The following PAPPA2 variants were observed in gnomAD, a reference collection of about 807,000 sequenced individuals.
PAPPA2 encodes the protein pappalysin 2, also known as pappalysin-2.
A neutral mutation model predicts 176.4 loss-of-function variants in PAPPA2; 86 were observed. The ratio of observed to expected loss-of-function variants is 0.49; its 90% CI spans 0.41 to 0.58. PAPPA2 has a LOEUF of 0.58. PAPPA2 is among the 20% of genes least tolerant of loss of function. PAPPA2 has a pLI of 0.00. For missense variants in PAPPA2, 2,073 were observed against 2,256.9 expected (o/e 0.92, Z 1.65); for synonymous variants, 809 against 852.2 (o/e 0.95, Z 0.88).
Position 176,463,650 on chromosome 1 carries a change from A to G in PAPPA2, c.-917+232A>G, listed in dbSNP as rs1303448131. On this transcript the variant is annotated intron_variant, in intron 1 of 22. Coordinates refer to ENST00000367662, the MANE Select transcript of PAPPA2 (RefSeq NM_020318.3). The stretch of plus-strand genomic sequence containing the variant: ...AATGGCTCAGTTTCTCCAGTCTAAT[A>G]ACTTGTAACAAATTGTCTCATTTTT... Among the ~76,000 whole-genome samples, 3 of 152,126 alleles carry G rather than the reference A, an allele frequency of 2.0e-5. No individual in the cohort carries two copies. The East Asian group carries it at 5.8e-4, about 29-fold the overall frequency.
At position 176,672,837 on chromosome 1, in the gene PAPPA2, C is replaced by T. The variant is rs1469844080; in HGVS notation, c.2137+1722C>T. Among the ~76,000 whole-genome samples, 10 of 152,266 alleles carry T rather than the reference C, an allele frequency of 6.6e-5. 1 individual carries two copies. The South Asian group carries it at 2.1e-3, about 32-fold the overall frequency. ...TTTTAAAGCCCTGCAGTCCTTTTAT[C>T]ACTAAACTGTATTTTTAGTTCTCAG... On this transcript the variant is annotated intron_variant, in intron 4 of 22. Coordinates refer to ENST00000367662, the MANE Select transcript of PAPPA2 (RefSeq NM_020318.3).
At chr1:176,766,997 A>G (rs901363601) in intron 15 of PAPPA2, among the ~76,000 whole-genome samples, 13 of 151,876 alleles carry the variant, frequency 8.6e-5, no homozygotes, top group African/African-American at 2.7e-4. Context: ...ATTTAAAGGT[A>G]TACACTTTGG....
chr1:176,573,339 C>A (rs914980455), intron 2 of PAPPA2, among the ~76,000 whole-genome samples: 1 of 152,122 alleles, frequency 6.6e-6, no homozygotes, highest in Non-Finnish European at 1.5e-5. Flanking sequence ...ACAGGTAGCT[C>A]TCCACTTCTG....
intron 17 of PAPPA2, among the ~76,000 whole-genome samples, chr1:176,788,787 C>A (rs1278764860): frequency 6.6e-6 from 1 of 152,192 alleles, no homozygotes; most frequent in East Asian, 1.9e-4. Context: ...AAGTTATGAA[C>A]TCTTTCCAAG....
chr1:176,651,105 A>G lies in PAPPA2; in HGVS notation c.1992-19865A>G, dbSNP rs76058635. 2.1e-4 allele frequency among the ~76,000 whole-genome samples: 32 copies of G among 151,772 alleles called. No homozygotes were observed. The East Asian group carries it at 5.5e-3, about 26-fold the overall frequency. Reference sequence around the variant, plus strand: ...AAACTCTTATTAGATTGTTATAGCTATTATTAGTTTTGATAGATTTGTCTT... The same window carrying G: ...AAACTCTTATTAGATTGTTATAGCTGTTATTAGTTTTGATAGATTTGTCTT... On this transcript the variant is annotated intron_variant, in intron 3 of 22. Coordinates refer to ENST00000367662, the MANE Select transcript of PAPPA2 (RefSeq NM_020318.3).
At chr1:176,677,740 T>G (rs1228198722) in intron 4 of PAPPA2, among the ~76,000 whole-genome samples, 4 of 152,140 alleles carry the variant, frequency 2.6e-5, no homozygotes, top group African/African-American at 9.7e-5. Flanking sequence ...AAGAAAAACT[T>G]GGATACCATA....
chr1:176,490,854 T>C (rs1164335719), intron 1 of PAPPA2, among the ~76,000 whole-genome samples: 4 of 152,154 alleles, frequency 2.6e-5, no homozygotes, highest in African/African-American at 9.7e-5. Context: ...GATCTCAGGT[T>C]CCCAACGCCC....
intron 3 of PAPPA2, among the ~76,000 whole-genome samples, chr1:176,648,030 C>T (rs1047252551): frequency 2.0e-5 from 3 of 150,820 alleles, no homozygotes; most frequent in African/African-American, 7.3e-5. Context: ...ATTGCTTTGT[C>T]TAGTCATTTT....
chr1:176,759,124 C>A (rs377082616), intron 14 of PAPPA2, among the ~76,000 whole-genome samples: 4 of 152,262 alleles, frequency 2.6e-5, no homozygotes, highest in Middle Eastern at 3.4e-3. Flanking sequence ...CAAAGCTATA[C>A]GCTAGATAAA....
intron 3 of PAPPA2, among the ~76,000 whole-genome samples, chr1:176,622,243 T>G (rs1046545601): frequency 1.3e-5 from 2 of 152,180 alleles, no homozygotes; most frequent in African/African-American, 4.8e-5. Flanking sequence ...AGAAATGATA[T>G]GAGTCCTGAT....
chr1:176,562,750 G>A (rs892704352), intron 2 of PAPPA2, among the ~76,000 whole-genome samples: 5 of 152,174 alleles, frequency 3.3e-5, no homozygotes, highest in Admixed American at 2.0e-4. Context: ...GTGTGAACAG[G>A]GCATAGCCCC....
intron 1 of PAPPA2, among the ~76,000 whole-genome samples, chr1:176,495,855 A>G (rs1647582970): frequency 1.3e-5 from 2 of 151,884 alleles, no homozygotes; most frequent in African/African-American, 2.4e-5. Context: ...GCAGCCTCAA[A>G]CTCCTGGGCT....
At chr1:176,502,413 T>G (rs1648019603) in intron 1 of PAPPA2, among the ~76,000 whole-genome samples, 1 of 152,218 alleles carries the variant, frequency 6.6e-6, no homozygotes, top group African/African-American at 2.4e-5. Flanking sequence ...CTTTCTTCAT[T>G]GGGAATGGCT....
At chr1:176,732,867 C>A (rs1662225964) in intron 12 of PAPPA2, among the ~76,000 whole-genome samples, 1 of 152,170 alleles carries the variant, frequency 6.6e-6, no homozygotes, top group African/African-American at 2.4e-5. Flanking sequence ...AACCCTCAGG[C>A]TATGGAGCAG....
chr1:176,635,922 A>G (rs1656673831), intron 3 of PAPPA2, among the ~76,000 whole-genome samples: 1 of 152,114 alleles, frequency 6.6e-6, no homozygotes, highest in African/African-American at 2.4e-5. Context: ...AGTGCTGCCA[A>G]ATGCCCTGAG....
chr1:176,493,288 C>A (rs1276524451), intron 1 of PAPPA2, among the ~76,000 whole-genome samples: 2 of 152,184 alleles, frequency 1.3e-5, no homozygotes, highest in African/African-American at 4.8e-5. Flanking sequence ...CACTTTCAAC[C>A]CCTGATATTT....
chr1:176,624,954 A>G (rs1476341532), intron 3 of PAPPA2, among the ~76,000 whole-genome samples: 1 of 152,152 alleles, frequency 6.6e-6, no homozygotes, highest in Admixed American at 6.5e-5. Context: ...GCAGCCAAGG[A>G]CACTGTGGCC....
At chr1:176,472,680 C>T (rs529484073) in intron 1 of PAPPA2, among the ~76,000 whole-genome samples, 5 of 152,142 alleles carry the variant, frequency 3.3e-5, no homozygotes, top group East Asian at 1.9e-4. Context: ...AATAAATAAC[C>T]TTATGAGCTC....
chr1:176,675,082 C>G (rs1011311426), intron 4 of PAPPA2, among the ~76,000 whole-genome samples: 1 of 151,912 alleles, frequency 6.6e-6, no homozygotes, highest in Non-Finnish European at 1.5e-5. Context: ...AACTCTTTGC[C>G]TAAGCCAATG....
Sources: gnomAD v4.1 joint callset for allele counts (sites outside exome capture counted in the v4.1 genomes callset) on GRCh38, gnomAD v4.1.1 for gene constraint, MANE v1.5 for transcripts, NCBI Gene and HGNC (gene_info 2026-07-23, HGNC 2026-07-21) for gene names.